Variants in TTLL12 observed in about 807,000 individuals in gnomAD.
TTLL12 encodes tubulin--tyrosine ligase-like protein 12.
In TTLL12, 77 loss-of-function variants were observed where a neutral mutation model predicts 79.6. The observed-to-expected ratio is 0.97, with a 90% CI of 0.81 to 1.17. TTLL12 has a LOEUF of 1.17. Among genes scored for constraint, TTLL12 ranks in the 50% most tolerant of loss-of-function variants. The probability of loss-of-function intolerance (pLI) is 0.00; values close to 1 mark genes in which losing one functional copy is unlikely to be tolerated. For synonymous variants in TTLL12, 437 were observed against 376.1 expected (o/e 1.16, Z -1.87); for missense variants, 969 against 895.9 (o/e 1.08, Z -1.04).
intron 5 of TTLL12, 121 bp from the exon 6 acceptor site, chr22:43,176,517 G>A (rs1931917429): frequency 2.5e-6 from 2 of 785,828 alleles, no homozygotes; most frequent in Admixed American, 4.1e-5. Context: ...ATCACGTGAT[G>A]TCAGGAGCTC....
intron 11 of TTLL12, chr22:43,169,845 G>A (rs985568624): frequency 1.8e-6 from 1 of 543,942 alleles, no homozygotes; most frequent in Non-Finnish European, 3.5e-6. Flanking sequence ...AACTGACTTT[G>A]CCACGCAGCT....
chr22:43,187,011 G>A lies in TTLL12; in HGVS notation c.59C>T (p.Thr20Met), dbSNP rs1352405528. ...CAAGGCCTGCGCGCCCTCCTCCGGC[G>A]TCTGGCCCGGGCTGCTACGCTCCGC... ...RPAERSSPGQTPEEGAQALAE... is the reference protein window; with the variant it reads ...RPAERSSPGQMPEEGAQALAE... Residue 20 changes from threonine to methionine, a missense_variant, in exon 1 of 14, where the codon ACG becomes ATG. By Grantham distance (81) the Thr-to-Met change is moderately conservative. Coordinates refer to ENST00000216129, the MANE Select transcript of TTLL12 (RefSeq NM_015140.4). 2 of 1,271,452 alleles carry A rather than the reference G, an allele frequency of 1.6e-6. No individual in the cohort carries two copies. Among genetic ancestry groups the A allele is most frequent in the Non-Finnish European group, 2.0e-6 (2 of 1,005,208 alleles). 78.8% of individuals were successfully genotyped at this position (1,271,452 alleles called of 1,614,324 possible).
chr22:43,187,062 G>A lies in TTLL12; in HGVS notation c.8C>T (p.Ala3Val), dbSNP rs904821112. The A allele has an allele frequency of 1.7e-6, 2 of 1,177,706 alleles. No homozygotes were observed. The highest frequency in any genetic ancestry group is 2.1e-6 in the Non-Finnish European group (2 of 954,356). The allele number at this position is 1,177,706 out of a possible 1,614,324, so 73.0% of individuals were successfully genotyped here. A position where few individuals can be genotyped will look rare whatever the true frequency, so the allele number is the denominator to read the frequency against. Residue 3 changes from alanine (A) to valine (V), a missense_variant, in exon 1 of 14, where the codon GCC (alanine) becomes GTC (valine). Coordinates refer to ENST00000216129, the MANE Select transcript of TTLL12 (RefSeq NM_015140.4). ME[A>V]ERGPERRPAE... The stretch of plus-strand genomic sequence containing the variant: ...AGGCCGGCGCTCGGGACCCCGCTCG[G>A]CCTCCATGGCGCCAGCACCCGCGCC...
At chr22:43,179,586 C>G (rs753700162) in intron 5 of TTLL12, 33 bp downstream of exon 5, 5 of 1,527,112 alleles carry the variant, frequency 3.3e-6, no homozygotes, top group African/African-American at 1.4e-5. Context: ...AGCTACCAAG[C>G]AGACAGGCCT....
chr22:43,182,236 A>G (rs543794858), intron 2 of TTLL12, among the ~76,000 whole-genome samples: 2 of 152,326 alleles, frequency 1.3e-5, no homozygotes, highest in South Asian at 4.1e-4. Context: ...AGGAGAACTC[A>G]CTTCACTGAA....
chr22:43,181,067 G>A lies in TTLL12; in HGVS notation c.348-127C>T, dbSNP rs894995102. The A allele has an allele frequency of 7.2e-6, 8 of 1,110,494 alleles. No individual in the cohort carries two copies. The South Asian group carries it at 9.6e-5, about 13-fold the overall frequency. 68.8% of individuals were successfully genotyped at this position (1,110,494 alleles called of 1,614,324 possible). A position where few individuals can be genotyped will look rare whatever the true frequency, so the allele number is the denominator to read the frequency against. On this transcript the variant is annotated intron_variant, in intron 2 of 13. Transcript: ENST00000216129. ...CTTCCTTAGATTTGGTCTACTGGGT[G>A]CCATAGTTATGCCTAGTTTTGGACT...
In TTLL12 at chr22:43,179,852, A is replaced by G; in HGVS notation, c.695T>C (p.Leu232Pro). The change falls in exon 4 of 14, where the codon CTG (leucine) becomes CCG (proline). Residue 232 changes from leucine to proline, a missense_variant. Transcript: ENST00000216129. ...AYTLLWPLRDLDTGEEVTRDF... is the reference protein window; with the variant it reads ...AYTLLWPLRDPDTGEEVTRDF... ...GGTGCTGGACTTACCGCCAGTGTCC[A>G]GGTCCCTCAGGGGCCACAGCAGCGT... 6.3e-7 allele frequency: 1 copy of G among 1,593,568 alleles called. No individual in the cohort carries two copies. Among genetic ancestry groups the G allele is most frequent in the East Asian group, 2.2e-5 (1 of 44,562 alleles).
Position 43,169,544 on chromosome 22 carries a change from C to A in TTLL12, c.1600G>T (p.Glu534Ter), listed in dbSNP as rs199848007. 6.2e-6 allele frequency: 10 copies of A among 1,609,954 alleles called. No individual in the cohort carries two copies. Among genetic ancestry groups the A allele is most frequent in the African/African-American group, 1.3e-5 (1 of 74,794 alleles). The change falls in exon 12 of 14, where the codon GAG becomes TAG. Residue 534 changes from glutamate to a stop codon, truncating the protein, a stop_gained. Coordinates refer to ENST00000216129, the MANE Select transcript of TTLL12 (RefSeq NM_015140.4). LOFTEE classifies it high-confidence loss of function. ...AATTCTGGGTATTGCTTCTCAAACT[C>A]GGGGATGAACTCTTCACAGTGCACC... ...KQVHCEEFIPEFEKQYPEFPW... is the reference protein window; with the variant it reads ...KQVHCEEFIP
At chr22:43,170,467 C>T (rs368382052) in intron 11 of TTLL12, among the ~76,000 whole-genome samples, 2 of 152,202 alleles carry the variant, frequency 1.3e-5, no homozygotes, top group Non-Finnish European at 1.5e-5. Flanking sequence ...CATGTTCACG[C>T]GCCATGATTT....
chr22:43,171,966 A>G, intron 10 of TTLL12, 66 bp from the exon 11 acceptor site: 4 of 1,395,332 alleles, frequency 2.9e-6, no homozygotes, highest in Non-Finnish European at 4.0e-6. Flanking sequence ...GGGAGGTGCC[A>G]CCCACTCAGC....
intron 5 of TTLL12, among the ~76,000 whole-genome samples, chr22:43,177,401 A>G (rs1033559979): frequency 2.6e-5 from 4 of 152,154 alleles, no homozygotes; most frequent in African/African-American, 9.7e-5. Flanking sequence ...AGATTAAAAC[A>G]TGCCTACAAA....
intron 5 of TTLL12, among the ~76,000 whole-genome samples, chr22:43,177,155 C>T (rs111258305): frequency 6.6e-6 from 1 of 151,868 alleles, no homozygotes; most frequent in Non-Finnish European, 1.5e-5. Flanking sequence ...AGTACCTGAG[C>T]CCAGGTGTGT....
rs761036032 is a variant in TTLL12, at chr22:43,176,377, T to C, written c.860A>G (p.Lys287Arg). ...GTTGATGTCAAGTGGCAGCTTCTCC[T>C]TGTTTTCCTCCAGAATGGCCTAAAA... is the stretch of plus-strand genomic sequence containing the variant. ...EHYQAILEEN[K>R]EKLPLDINPV... Residue 287 changes from lysine (K) to arginine (R), a missense_variant, in exon 6 of 14, where the codon AAG (lysine) becomes AGG (arginine). Lys to Arg is a conservative substitution (Grantham distance 26). Coordinates refer to ENST00000216129, the MANE Select transcript of TTLL12 (RefSeq NM_015140.4). 1.1e-5 allele frequency: 18 copies of C among 1,605,958 alleles called. No individual in the cohort carries two copies. The highest frequency in any genetic ancestry group is 1.4e-5 in the Non-Finnish European group (17 of 1,177,324).
At chr22:43,182,869 T>C (rs945046321) in intron 2 of TTLL12, 111 bp downstream of exon 2, 11 of 1,419,654 alleles carry the variant, frequency 7.7e-6, no homozygotes, top group East Asian at 2.5e-5. Flanking sequence ...CACAAAGCTG[T>C]CCTAAGGAAG....
At chr22:43,183,208 T>A in intron 1 of TTLL12, 59 bp from the exon 2 acceptor site, 2 of 1,594,104 alleles carry the variant, frequency 1.3e-6, no homozygotes, top group South Asian at 2.2e-5. Flanking sequence ...CCCAATGCCT[T>A]CACCACTCCA....
In TTLL12 at chr22:43,172,988, G is replaced by A. The variant is rs187213347; in HGVS notation, c.1342-434C>T. 2.4e-3 allele frequency among the ~76,000 whole-genome samples: 371 copies of A among 152,072 alleles called. 2 individuals are homozygous for A. The highest frequency in any genetic ancestry group is 8.7e-3 in the African/African-American group (360 of 41,504). On this transcript the variant is annotated intron_variant, in intron 9 of 13. Coordinates refer to ENST00000216129, the MANE Select transcript of TTLL12 (RefSeq NM_015140.4). ...GCTGGGATTACAGGTGTGAGCCACC[G>A]CACCCTGAAGCAAAGTCTTTATATC...
Position 43,173,839 on chromosome 22 carries a change from A to G in TTLL12, c.1230-13T>C. Reference sequence around the variant, plus strand: ...GTTGTCCTCGCCCCTGGGGAGCAGAAGGGCTGTCTGGGGGGCGCCTGGGGC... The same window carrying G: ...GTTGTCCTCGCCCCTGGGGAGCAGAGGGGCTGTCTGGGGGGCGCCTGGGGC... On this transcript the variant is annotated splice_polypyrimidine_tract_variant and intron_variant, in intron 8 of 13. Coordinates refer to ENST00000216129, the MANE Select transcript of TTLL12 (RefSeq NM_015140.4). 6.3e-7 allele frequency: 1 copy of G among 1,599,270 alleles called. No individual in the cohort carries two copies. The highest frequency in any genetic ancestry group is 8.5e-7 in the Non-Finnish European group (1 of 1,178,814).
At position 43,179,768 on chromosome 22, in the gene TTLL12, A is replaced by ATCAGAGGGGGTC. The variant is rs1932005788; in HGVS notation, c.707-17_707-16insGACCCCCTCTGA. ...GTCACCTCCTCTGTGCCAAGACATG[A>ATCAGAGGGGGTC]GTGCCCATCAGAGGGGGTGACGGGA... On this transcript the variant is annotated splice_polypyrimidine_tract_variant and intron_variant, in intron 4 of 13. Transcript: ENST00000216129. 1 of 1,549,698 alleles carries ATCAGAGGGGGTC rather than the reference A, an allele frequency of 6.5e-7. No homozygotes were observed. Among genetic ancestry groups the ATCAGAGGGGGTC allele is most frequent in the South Asian group, 1.2e-5 (1 of 83,632 alleles).
At chr22:43,183,238 ACACCCAGGCCT>A in intron 1 of TTLL12, 89 bp from the exon 2 acceptor site, 2 of 1,523,334 alleles carry the variant, frequency 1.3e-6, no homozygotes, top group Non-Finnish European at 1.8e-6. Flanking sequence ...CCGAGGTGCC[ACACCCAGGCCT>A]CAAGGACAAA....
Sources: allele counts gnomAD v4.1 joint callset (sites outside exome capture counted in the v4.1 genomes callset), GRCh38; gene constraint gnomAD v4.1.1; transcripts MANE v1.5; gene names NCBI Gene and HGNC (gene_info 2026-07-23, HGNC 2026-07-21).